TSHZ2: variants seen among roughly 807,000 people sequenced by gnomAD.
TSHZ2 encodes the protein teashirt zinc finger homeobox 2, also known as teashirt homolog 2.
In TSHZ2, 21 loss-of-function variants were observed where a neutral mutation model predicts 74.4. That is an observed-to-expected ratio of 0.28 (90% CI 0.20 to 0.41). The LOEUF is 0.41. Among genes scored for constraint, TSHZ2 ranks in the 10% least tolerant of loss-of-function variants. TSHZ2 has a pLI of 1.00. For missense variants in TSHZ2, 1,244 were observed against 1,293.5 expected, an observed-to-expected ratio of 0.96 and a Z score of 0.59; for synonymous variants, 540 against 515.3, an observed-to-expected ratio of 1.05 and a Z score of -0.65.
At chr20:53,123,689 C>T (rs757844530) in intron 1 of TSHZ2, among the ~76,000 whole-genome samples, 3 of 152,066 alleles carry the variant, frequency 2.0e-5, no homozygotes, top group African/African-American at 4.8e-5. Flanking sequence ...GTAAGTTAGC[C>T]GGCAAAGGGC....
chr20:53,479,346 G>A (rs924723757), intron 2 of TSHZ2, among the ~76,000 whole-genome samples: 8 of 152,124 alleles, frequency 5.3e-5, no homozygotes, highest in African/African-American at 1.7e-4. Flanking sequence ...GGTGATCCCA[G>A]TACTGCTGTT....
intron 1 of TSHZ2, among the ~76,000 whole-genome samples, chr20:53,162,539 C>G (rs1220254975): frequency 1.3e-5 from 2 of 152,188 alleles, no homozygotes; most frequent in African/African-American, 4.8e-5. Flanking sequence ...TTTCAGTCAT[C>G]AAAAAATTAC....
chr20:53,018,396 T>C (rs1012057896), intron 1 of TSHZ2, among the ~76,000 whole-genome samples: 3 of 152,144 alleles, frequency 2.0e-5, no homozygotes, highest in African/African-American at 7.2e-5. Flanking sequence ...TTGGTCAAGG[T>C]CACCTGCTCC....
chr20:53,473,362 C>A (rs1167194480), intron 2 of TSHZ2, among the ~76,000 whole-genome samples: 6 of 143,002 alleles, frequency 4.2e-5, no homozygotes, highest in African/African-American at 1.3e-4. Context: ...GACCCCCGAG[C>A]AGCCTAACTG....
At chr20:53,444,384 A>G (rs567561983) in intron 2 of TSHZ2, among the ~76,000 whole-genome samples, 1 of 152,214 alleles carries the variant, frequency 6.6e-6, no homozygotes, top group East Asian at 1.9e-4. Context: ...CTGTGTCTCT[A>G]TTAGGTGAGT....
intron 1 of TSHZ2, among the ~76,000 whole-genome samples, chr20:53,146,906 A>G (rs1987554183): frequency 6.6e-6 from 1 of 152,176 alleles, no homozygotes; most frequent in Non-Finnish European, 1.5e-5. Flanking sequence ...ACCCGTATTA[A>G]TAACTGCAAC....
intron 1 of TSHZ2, among the ~76,000 whole-genome samples, chr20:53,091,086 A>G (rs79531904): frequency 0.013 from 2,007 of 152,360 alleles, 57 homozygotes; most frequent in African/African-American, 0.046. Context: ...ACTTCCTAAC[A>G]ATTTAATTGT....
chr20:53,348,048 C>T (rs1251367620), intron 2 of TSHZ2, among the ~76,000 whole-genome samples: 2 of 152,166 alleles, frequency 1.3e-5, no homozygotes, highest in Non-Finnish European at 2.9e-5. Flanking sequence ...GTACATTTCA[C>T]TTAAATGGAA....
intron 1 of TSHZ2, among the ~76,000 whole-genome samples, chr20:53,175,018 TTC>T (rs748397756): frequency 2.0e-5 from 3 of 152,082 alleles, no homozygotes; most frequent in Admixed American, 6.6e-5. Context: ...CTCGATGAGT[TTC>T]TGTTTGCTGG....
At chr20:53,455,754 C>T (rs925159738) in intron 2 of TSHZ2, among the ~76,000 whole-genome samples, 1 of 150,052 alleles carries the variant, frequency 6.7e-6, no homozygotes, top group African/African-American at 2.5e-5. Flanking sequence ...TGTTCCCCTT[C>T]CTGTGTCCAT....
chr20:53,344,135 C>A (rs1376796243), intron 2 of TSHZ2, among the ~76,000 whole-genome samples: 1 of 152,150 alleles, frequency 6.6e-6, no homozygotes, highest in Non-Finnish European at 1.5e-5. Context: ...CAGAATAGGA[C>A]TCTAGGCTGC....
chr20:53,302,910 A>C (rs941909179), intron 2 of TSHZ2, among the ~76,000 whole-genome samples: 8 of 152,192 alleles, frequency 5.3e-5, no homozygotes, highest in African/African-American at 1.9e-4. Flanking sequence ...CACACCCTCC[A>C]CGGCCAAGGT....
chr20:53,299,126 T>C (rs1033712622), intron 2 of TSHZ2, among the ~76,000 whole-genome samples: 1 of 152,202 alleles, frequency 6.6e-6, no homozygotes, highest in Non-Finnish European at 1.5e-5. Flanking sequence ...ACAGATGATG[T>C]ATAGCTAACT....
At chr20:53,025,593 C>T (rs778568678) in intron 1 of TSHZ2, among the ~76,000 whole-genome samples, 3 of 152,206 alleles carry the variant, frequency 2.0e-5, no homozygotes, top group African/African-American at 4.8e-5. Context: ...TGCCTGCCCC[C>T]GGCAGATGAC....
chr20:53,447,451 T>G (rs761618132), intron 2 of TSHZ2, among the ~76,000 whole-genome samples: 6 of 152,208 alleles, frequency 3.9e-5, no homozygotes, highest in African/African-American at 7.2e-5. Context: ...TTAACCCAAC[T>G]TCCCCTAATG....
At chr20:53,366,101 CTG>C (rs1436662446) in intron 2 of TSHZ2, among the ~76,000 whole-genome samples, 2 of 152,188 alleles carry the variant, frequency 1.3e-5, no homozygotes, top group Non-Finnish European at 2.9e-5. Flanking sequence ...AGCTCAGTCT[CTG>C]TGTTGAAATA....
At chr20:53,276,916 G>A (rs1416070541) in intron 2 of TSHZ2, among the ~76,000 whole-genome samples, 1 of 152,188 alleles carries the variant, frequency 6.6e-6, no homozygotes, top group East Asian at 1.9e-4. Context: ...TCCTTTGTGA[G>A]ATCTTAGCTT....
intron 1 of TSHZ2, among the ~76,000 whole-genome samples, chr20:53,107,440 A>G (rs6126757): frequency 0.19 from 29,135 of 152,096 alleles, 3,521 homozygotes; most frequent in African/African-American, 0.36. Context: ...AAGCAGCACC[A>G]CCTCGCCTCT....
intron 2 of TSHZ2, among the ~76,000 whole-genome samples, chr20:53,382,298 G>T (rs1022345000): frequency 1.3e-5 from 2 of 152,184 alleles, no homozygotes; most frequent in Admixed American, 6.5e-5. Flanking sequence ...TTACAGGCTG[G>T]CTCAGGAAAT....
Sources: gnomAD v4.1 joint callset for allele counts (sites outside exome capture counted in the v4.1 genomes callset) on GRCh38, gnomAD v4.1.1 for gene constraint, MANE v1.5 for transcripts, NCBI Gene and HGNC (gene_info 2026-07-23, HGNC 2026-07-21) for gene names.